Variants in POTEC observed in about 807,000 individuals in gnomAD.
The protein encoded by POTEC is ANKRD26-like family B member 2.
Under a neutral mutation model 62.0 loss-of-function variants are expected in POTEC, and 35 were observed. That is an observed-to-expected ratio of 0.56 (90% CI 0.43 to 0.75). The LOEUF (loss-of-function observed/expected upper bound fraction) is 0.75, where lower values mean the gene tolerates loss of function less well. Among genes scored for constraint, POTEC ranks in the 30% least tolerant of loss-of-function variants. The probability of loss-of-function intolerance (pLI) is 0.00; values close to 1 mark genes in which losing one functional copy is unlikely to be tolerated. For synonymous variants in POTEC, 156 were observed against 221.5 expected, an observed-to-expected ratio of 0.70 and a Z score of 2.62; for missense variants, 472 against 655.9, an observed-to-expected ratio of 0.72 and a Z score of 3.06.
At chr18:14,542,528 G>A (rs1905972053) in intron 1 of POTEC, 98 bp downstream of exon 1, 6 of 1,566,782 alleles carry the variant, frequency 3.8e-6, no homozygotes, top group East Asian at 2.2e-5. Context: ...TGGGGCCTGC[G>A]GAGGAAGAGA....
chr18:14,539,652 TACC>T (rs1905867458), intron 1 of POTEC, among the ~76,000 whole-genome samples: 1 of 151,390 alleles, frequency 6.6e-6, no homozygotes, highest in Admixed American at 6.6e-5. Context: ...GCTGTTTATG[TACC>T]ACATTTAAGT....
Position 14,509,499 on chromosome 18 carries a change from C to G in POTEC, c.*2399G>C, listed in dbSNP as rs1411423790. ...TGCTGTTAGGGCAAGTACAACAAAA[C>G]CCACCTGTGTAAACACACACAGCAA... On this transcript the variant is annotated 3_prime_UTR_variant, in exon 11 of 11. Coordinates refer to ENST00000358970, the MANE Select transcript of POTEC (RefSeq NM_001137671.2). 1.3e-5 allele frequency: 2 copies of G among 152,024 alleles called. No homozygotes were observed. Among genetic ancestry groups the G allele is most frequent in the African/African-American group, 2.4e-5 (1 of 41,472 alleles). The allele number at this position is 152,024 out of a possible 1,614,324, so 9.4% of individuals were successfully genotyped here.
Position 14,535,776 on chromosome 18 carries a change from T to A in POTEC, c.811-769A>T, listed in dbSNP as rs1296457896. ...TGCTCTTAAAAACGACTTACTGACC[T>A]AAGCACTTGAATGATTGAACAAAGG... On this transcript the variant is annotated intron_variant, in intron 3 of 10. Transcript: ENST00000358970. Among the ~76,000 whole-genome samples, 3 of 152,078 alleles carry A rather than the reference T, an allele frequency of 2.0e-5. No homozygotes were observed. The East Asian group carries it at 5.8e-4, about 29-fold the overall frequency.
intron 9 of POTEC, among the ~76,000 whole-genome samples, chr18:14,514,672 T>C (rs377193382): frequency 1.4e-5 from 2 of 143,934 alleles, no homozygotes; most frequent in East Asian, 2.1e-4. Context: ...TTTTATTTCA[T>C]GCATATTAAG....
intron 9 of POTEC, among the ~76,000 whole-genome samples, chr18:14,515,645 T>TAAAC (rs1323835886): frequency 1.3e-5 from 1 of 74,942 alleles, no homozygotes; most frequent in African/African-American, 5.8e-5. Context: ...AAAATAAAAA[T>TAAAC]AAATAAACAA....
chr18:14,513,933 T>C, intron 9 of POTEC, 148 bp from the exon 10 acceptor site: 2 of 1,479,704 alleles, frequency 1.4e-6, no homozygotes, highest in Non-Finnish European at 1.8e-6. Context: ...CTGTTAACCC[T>C]GCTCTCCCAG....
Position 14,508,640 on chromosome 18 carries a change from G to C in POTEC, c.*3258C>G, listed in dbSNP as rs938487618. ...CTGCAATGTTTTACAATGATTTTTAGCTTCCTTGTATTGGATTACAACATA... is the reference window on the plus strand; with the variant it reads ...CTGCAATGTTTTACAATGATTTTTACCTTCCTTGTATTGGATTACAACATA... On this transcript the variant is annotated 3_prime_UTR_variant, in exon 11 of 11. Transcript: ENST00000358970. 29 of 152,568 alleles carry C rather than the reference G, an allele frequency of 1.9e-4. No homozygotes were observed. Among genetic ancestry groups the C allele is most frequent in the Middle Eastern group, 3.4e-3 (1 of 294 alleles). 9.5% of individuals were successfully genotyped at this position (152,568 alleles called of 1,614,324 possible). A position where few individuals can be genotyped will look rare whatever the true frequency, so the allele number is the denominator to read the frequency against.
At position 14,542,781 on chromosome 18, in the gene POTEC, G is replaced by C. The variant is rs1276374725; in HGVS notation, c.366C>G (p.Asp122Glu). The change falls in exon 1 of 11, where the codon GAC becomes GAG. Residue 122 changes from aspartate (D) to glutamate (E), a missense_variant. Coordinates refer to ENST00000358970, the MANE Select transcript of POTEC (RefSeq NM_001137671.2). ...SGKSNVGAWG[D>E]YDDSAFMEPR... Reference sequence around the variant, plus strand: ...GCTCCATGAAGGCGCTGTCGTCGTAGTCTCCCCAAGCGCCCACGTTGCTCT... The same window carrying C: ...GCTCCATGAAGGCGCTGTCGTCGTACTCTCCCCAAGCGCCCACGTTGCTCT... 1.9e-6 allele frequency: 3 copies of C among 1,613,834 alleles called. No homozygotes were observed. Among genetic ancestry groups the C allele is most frequent in the East Asian group, 4.5e-5 (2 of 44,864 alleles).
intron 3 of POTEC, among the ~76,000 whole-genome samples, chr18:14,537,377 A>T (rs1169952696): frequency 6.6e-6 from 1 of 151,948 alleles, no homozygotes; most frequent in African/African-American, 2.4e-5. Context: ...ACATCACCTC[A>T]TATCTATTAG....
Position 14,538,211 on chromosome 18 carries a change from T to A in POTEC, c.560A>T (p.Glu187Val), listed in dbSNP as rs540673734. The change falls in exon 2 of 11, where the codon GAA becomes GTA. Residue 187 changes from glutamate to valine, a missense_variant. By Grantham distance (121) the Glu-to-Val change is moderately radical (BLOSUM62 -2). This residue lies in a region of POTEC where 257 missense variants were observed against 250.7 expected (regional missense o/e 1.03). Coordinates refer to ENST00000358970, the MANE Select transcript of POTEC (RefSeq NM_001137671.2). ...TCTGTCCAGCAGGAGTTGTACTACT[T>A]CTGAATTTCCATTGGCAGAGGCCAA... Reference protein sequence around the residue: ...LHLASANGNSEVVQLLLDRRC... With the variant: ...LHLASANGNSVVVQLLLDRRC... The A allele has an allele frequency of 1.9e-6, 3 of 1,609,330 alleles. No individual in the cohort carries two copies. In the East Asian group the frequency reaches 6.7e-5, roughly 36 times the overall value.
intron 9 of POTEC, among the ~76,000 whole-genome samples, chr18:14,518,042 A>C (rs1313324637): frequency 1.3e-5 from 2 of 152,204 alleles, no homozygotes; most frequent in Non-Finnish European, 2.9e-5. Context: ...AATTTTAAAA[A>C]TGCACATAAT....
At chr18:14,540,435 T>C (rs1028277459) in intron 1 of POTEC, among the ~76,000 whole-genome samples, 1 of 152,156 alleles carries the variant, frequency 6.6e-6, no homozygotes, top group Non-Finnish European at 1.5e-5. Context: ...TTTGATTATA[T>C]TTTCCACATA....
At chr18:14,522,478 T>G in intron 8 of POTEC, 58 bp from the exon 9 acceptor site, 4 of 1,490,354 alleles carry the variant, frequency 2.7e-6, no homozygotes, top group Non-Finnish European at 3.6e-6. Context: ...AAAATAACCT[T>G]TTTAATTGAT....
chr18:14,528,910 A>G, intron 6 of POTEC: 2 of 454,008 alleles, frequency 4.4e-6, no homozygotes, highest in East Asian at 1.4e-4. Context: ...AAACCCTGCA[A>G]GGTTCACTCA....
chr18:14,538,832 C>T (rs751856816), intron 1 of POTEC, among the ~76,000 whole-genome samples: 10 of 152,210 alleles, frequency 6.6e-5, no homozygotes, highest in East Asian at 1.9e-4. Flanking sequence ...ATTTCTTACA[C>T]GGAAATACCA....
intron 9 of POTEC, among the ~76,000 whole-genome samples, chr18:14,516,968 A>G (rs924110190): frequency 2.0e-5 from 3 of 151,062 alleles, no homozygotes; most frequent in Non-Finnish European, 4.4e-5. Context: ...ATGAACTGAC[A>G]AAGAGACTAA....
intron 3 of POTEC, 71 bp downstream of exon 3, chr18:14,537,730 G>A (rs1905790303): frequency 4.5e-6 from 7 of 1,545,658 alleles, no homozygotes; most frequent in Non-Finnish European, 6.2e-6. Context: ...ACGGAAAACT[G>A]GCCCTTACAC....
chr18:14,528,704 T>G (rs1910503153), intron 6 of POTEC: 1 of 239,316 alleles, frequency 4.2e-6, no homozygotes, highest in Non-Finnish European at 8.4e-6. Flanking sequence ...GTTCCTACTG[T>G]TTTAGCCACT....
Position 14,543,459 on chromosome 18 carries a change from G to C in POTEC, c.-313C>G. 1 of 528,162 alleles carries C rather than the reference G, an allele frequency of 1.9e-6. No homozygotes were observed. The highest frequency in any genetic ancestry group is 3.4e-6 in the Non-Finnish European group (1 of 293,946). 32.7% of individuals were successfully genotyped at this position (528,162 alleles called of 1,614,324 possible). A position where few individuals can be genotyped will look rare whatever the true frequency, so the allele number is the denominator to read the frequency against. ...CCCAGCAGAGAAAAAGTCAAGCCCA[G>C]CAAAGGAATGCGAGGGAGGAAACGC... On this transcript the variant is annotated 5_prime_UTR_variant, in exon 1 of 11. Coordinates refer to ENST00000358970, the MANE Select transcript of POTEC (RefSeq NM_001137671.2).
Sources: gnomAD v4.1 joint callset for allele counts (sites outside exome capture counted in the v4.1 genomes callset) on GRCh38, gnomAD v4.1.1 for gene constraint, gnomAD v4.1.1 regional missense constraint, MANE v1.5 for transcripts, NCBI Gene and HGNC (gene_info 2026-07-23, HGNC 2026-07-21) for gene names.